The following KLHL22 variants were observed in gnomAD, a reference collection of about 807,000 sequenced individuals.
The protein encoded by KLHL22 is kelch-like protein 22.
KLHL22 carries 18 observed loss-of-function variants against 60.7 expected under a neutral mutation model. The ratio of observed to expected loss-of-function variants is 0.30; its 90% CI spans 0.20 to 0.44. The LOEUF (loss-of-function observed/expected upper bound fraction) is 0.44. Among genes scored for constraint, KLHL22 ranks in the 20% least tolerant of loss-of-function variants. The pLI, the probability that KLHL22 is intolerant of heterozygous loss-of-function variation, is 1.00. For missense variants in KLHL22, 596 were observed against 852.3 expected (o/e 0.70, Z 3.74); for synonymous variants, 355 against 354.5 (o/e 1.00, Z -0.01).
rs778878243 is a variant in KLHL22 at position 20,471,331 on chromosome 22, T to C, written c.393+19A>G. The C allele has an allele frequency of 1.9e-6, 3 of 1,610,790 alleles. No homozygotes were observed. In the South Asian group the frequency reaches 3.3e-5, roughly 18 times the overall value. ...CCACCTGGGTGTGGGTCTGCCTTGCTAGATGAGACATGCCTCACCTGAAGC... is the reference window on the plus strand; with the variant it reads ...CCACCTGGGTGTGGGTCTGCCTTGCCAGATGAGACATGCCTCACCTGAAGC... On this transcript the variant is annotated intron_variant, in intron 3 of 6. Transcript: ENST00000328879.
In KLHL22 at chr22:20,465,084, C is replaced by A; in HGVS notation, c.886G>T (p.Asp296Tyr). Residue 296 changes from aspartate to tyrosine, a missense_variant, in exon 4 of 7, where the codon GAC becomes TAC. Transcript: ENST00000328879. This position sits in a 1 kb window ranked among gnomAD's most constrained non-coding sequence, Gnocchi z 4.9. ...LQSPQTELRS[D>Y]FQCVVGFGGI... ...CCGAAGCCCACAACGCACTGGAAGTCCGACCGCAGCTCCGTTTGCGGGCTC... is the reference window on the plus strand; with the variant it reads ...CCGAAGCCCACAACGCACTGGAAGTACGACCGCAGCTCCGTTTGCGGGCTC... The A allele has an allele frequency of 6.2e-7, 1 of 1,613,542 alleles. No homozygotes were observed. The highest frequency in any genetic ancestry group is 8.5e-7 in the Non-Finnish European group (1 of 1,179,730).
intron 1 of KLHL22, among the ~76,000 whole-genome samples, chr22:20,490,435 GA>G (rs902680214): frequency 3.2e-4 from 49 of 152,114 alleles, no homozygotes; most frequent in African/African-American, 1.2e-3. Flanking sequence ...AGTTCTGAAT[GA>G]AAAAAACACA....
At chr22:20,473,097 C>T (rs1323817688) in intron 2 of KLHL22, among the ~76,000 whole-genome samples, 2 of 152,188 alleles carry the variant, frequency 1.3e-5, no homozygotes, top group South Asian at 2.1e-4. Context: ...GAGGAATTTA[C>T]CCACAGAGTG....
chr22:20,467,093 G>A (rs1411524773), intron 3 of KLHL22, among the ~76,000 whole-genome samples: 3 of 152,318 alleles, frequency 2.0e-5, no homozygotes, highest in Middle Eastern at 3.4e-3. Context: ...AGTTTCAGTG[G>A]GGCCCCCCAG....
In KLHL22 at chr22:20,451,894, T is replaced by C. The variant is rs1215942056; in HGVS notation, c.1306-5218A>G. On this transcript the variant is annotated intron_variant, in intron 5 of 6. Transcript: ENST00000328879. ...CAGTTAGTGGGAGAATCAAGAATCC[T>C]TTCTAGAATGTCTGTTTCTCACTAT... is the stretch of plus-strand genomic sequence containing the variant. The C allele has an allele frequency of 2.8e-5, 39 of 1,370,888 alleles. No individual in the cohort carries two copies. The East Asian group carries it at 9.0e-4, about 32-fold the overall frequency. The allele number at this position is 1,370,888 out of a possible 1,614,324, so 84.9% of individuals were successfully genotyped here.
rs547744909 is a variant in KLHL22, at chr22:20,461,821, G to A, written c.1112+3037C>T. Among the ~76,000 whole-genome samples the A allele has an allele frequency of 3.3e-5, 5 of 151,568 alleles. No homozygotes were observed. In the East Asian group the frequency reaches 7.9e-4, roughly 24 times the overall value. On this transcript the variant is annotated intron_variant, in intron 4 of 6. Coordinates refer to ENST00000328879, the MANE Select transcript of KLHL22 (RefSeq NM_032775.4). ...CTACTAAAAATACAAAAAAATGGCC[G>A]GGCGTGGTGGCTCACACCTGTAATC...
intron 2 of KLHL22, among the ~76,000 whole-genome samples, chr22:20,481,544 G>A (rs548860434): frequency 1.7e-4 from 26 of 152,188 alleles, no homozygotes; most frequent in African/African-American, 2.4e-4. Context: ...CTGCACTCCC[G>A]CCCGGGCGAC....
chr22:20,465,235 C>T lies in KLHL22; in HGVS notation c.735G>A (p.Arg245=). 1 of 1,613,952 alleles carries T rather than the reference C, an allele frequency of 6.2e-7. No individual in the cohort carries two copies. Among genetic ancestry groups the T allele is most frequent in the Non-Finnish European group, 8.5e-7 (1 of 1,180,002 alleles). ...HEPPKLLETV[R]FPLMEAEVLQ... ...GGACCTCAGCTTCCATCAGCGGAAA[C>T]CGCACTGTCTCAAGGAGCTTTGGGG... The change falls in exon 4 of 7, where the codon CGG becomes CGA. Residue 245 remains arginine, a synonymous_variant. Coordinates refer to ENST00000328879, the MANE Select transcript of KLHL22 (RefSeq NM_032775.4). The surrounding 1 kb of genome is among the most constrained non-coding windows in gnomAD (Gnocchi z 4.9).
chr22:20,491,137 T>C (rs2053682068), intron 1 of KLHL22: 1 of 152,244 alleles, frequency 6.6e-6, no homozygotes, highest in South Asian at 2.1e-4. Context: ...AGGATACAGA[T>C]GAAGAGATGC....
intron 2 of KLHL22, chr22:20,483,765 T>G (rs2053542783): frequency 5.4e-6 from 4 of 739,722 alleles, no homozygotes. Context: ...CTCCAAGTGC[T>G]TCTGGATTTT....
intron 1 of KLHL22, among the ~76,000 whole-genome samples, chr22:20,490,837 C>T (rs2053676033): frequency 6.6e-6 from 1 of 152,174 alleles, no homozygotes; most frequent in Admixed American, 6.5e-5. Flanking sequence ...ACCCTCCACT[C>T]ACCTCCTGTT....
Position 20,451,343 on chromosome 22 carries a change from T to A in KLHL22, c.1306-4667A>T. 3.1e-6 allele frequency: 5 copies of A among 1,611,572 alleles called. No individual in the cohort carries two copies. The South Asian group carries it at 5.5e-5, about 18-fold the overall frequency. On this transcript the variant is annotated intron_variant, in intron 5 of 6. Coordinates refer to ENST00000328879, the MANE Select transcript of KLHL22 (RefSeq NM_032775.4). ...CCAAACATTGACCAGAGGAGCATGCTGGGAGATATGCAGACAGCCCGGGAA... is the reference window on the plus strand; with the variant it reads ...CCAAACATTGACCAGAGGAGCATGCAGGGAGATATGCAGACAGCCCGGGAA...
At chr22:20,492,441 A>G (rs1411560676) in intron 1 of KLHL22, among the ~76,000 whole-genome samples, 1 of 151,926 alleles carries the variant, frequency 6.6e-6, no homozygotes, top group Non-Finnish European at 1.5e-5. Flanking sequence ...TTAGTCCAAA[A>G]GGGATACCTG....
chr22:20,493,518 A>C (rs887510392), intron 1 of KLHL22, among the ~76,000 whole-genome samples: 4 of 152,382 alleles, frequency 2.6e-5, no homozygotes, highest in African/African-American at 9.6e-5. Flanking sequence ...GCAGTGGCTC[A>C]CGCCTGTAAT....
chr22:20,445,580 T>A (rs998716322), intron 6 of KLHL22, among the ~76,000 whole-genome samples: 1 of 152,176 alleles, frequency 6.6e-6, no homozygotes, highest in African/African-American at 2.4e-5. Flanking sequence ...TCTGTTGTTT[T>A]GTTTTATTTT....
At chr22:20,488,893 A>G (rs1450964253) in intron 2 of KLHL22, 92 bp downstream of exon 2, 1 of 1,236,252 alleles carries the variant, frequency 8.1e-7, no homozygotes, top group Non-Finnish European at 1.1e-6. Context: ...TGAGGTGAGC[A>G]GGAGACCAGC....
chr22:20,451,713 C>A (rs1448821725), intron 5 of KLHL22: 1 of 1,577,904 alleles, frequency 6.3e-7, no homozygotes, highest in African/African-American at 1.3e-5. Flanking sequence ...AAGGTAAGTC[C>A]CTGCTAAGTA....
intron 2 of KLHL22, chr22:20,483,095 A>G: frequency 3.1e-6 from 2 of 652,948 alleles, no homozygotes; most frequent in Admixed American, 2.2e-5. Flanking sequence ...GATCCCATTG[A>G]GCTGCTCCAT....
At chr22:20,451,693 G>T (rs2052981956) in intron 5 of KLHL22, 2 of 1,597,638 alleles carry the variant, frequency 1.3e-6, no homozygotes, top group Non-Finnish European at 1.7e-6. Flanking sequence ...CTATGCAATT[G>T]CAGGATATGA....
Sources: gnomAD v4.1 joint callset for allele counts (sites outside exome capture counted in the v4.1 genomes callset) on GRCh38, gnomAD v4.1.1 for gene constraint, Gnocchi (gnomAD v3.1) non-coding constraint, MANE v1.5 for transcripts, NCBI Gene and HGNC (gene_info 2026-07-23, HGNC 2026-07-21) for gene names.